SHC3: variants seen among roughly 807,000 people sequenced by gnomAD.
SHC3 encodes the protein SHC-transforming protein 3.
SHC3 carries 15 observed loss-of-function variants against 60.4 expected under a neutral mutation model. The observed-to-expected ratio is 0.25, with a 90% confidence interval of 0.17 to 0.38. The LOEUF is 0.38. Among genes scored for constraint, SHC3 ranks in the 10% least tolerant of loss-of-function variants. The pLI is 1.00. For missense variants in SHC3, 677 were observed against 786.1 expected (o/e 0.86, Z 1.66); for synonymous variants, 294 against 325.9 (o/e 0.90, Z 1.05).
At position 89,042,036 on chromosome 9, in the gene SHC3, G is replaced by C; in HGVS notation, c.1350C>G (p.Leu450=). 1.2e-6 allele frequency: 2 copies of C among 1,613,828 alleles called. No individual in the cohort carries two copies. Among genetic ancestry groups the C allele is most frequent in the Non-Finnish European group, 1.7e-6 (2 of 1,179,958 alleles). The part of the protein sequence containing the change: ...SSAESSPRKD[L]FDMKPFEDAL... ...CAAACAGAAACCCACTCATGTCAAA[G>C]AGGTCTTTCCTTGGGCTGCTCTCAG... The change falls in exon 10 of 12, where the codon CTC becomes CTG. Residue 450 remains leucine (L), a synonymous_variant. Transcript: ENST00000375835.
chr9:89,094,968 A>C (rs1040657220), intron 2 of SHC3, among the ~76,000 whole-genome samples: 1 of 152,028 alleles, frequency 6.6e-6, no homozygotes, highest in East Asian at 1.9e-4. Flanking sequence ...ACAAACAAAA[A>C]ACAGGAAACA....
At chr9:89,149,246 T>C (rs1826512169) in intron 1 of SHC3, among the ~76,000 whole-genome samples, 1 of 152,216 alleles carries the variant, frequency 6.6e-6, no homozygotes, top group African/African-American at 2.4e-5. Flanking sequence ...CATAGTGCAC[T>C]AGGGCTCCTT....
chr9:89,020,468 G>A (rs1826181494), intron 11 of SHC3, among the ~76,000 whole-genome samples: 1 of 152,150 alleles, frequency 6.6e-6, no homozygotes, highest in South Asian at 2.1e-4. Flanking sequence ...AGGTCCCCAG[G>A]TGGTTGGTGG....
chr9:89,141,996 C>G (rs1826400228), intron 1 of SHC3, among the ~76,000 whole-genome samples: 1 of 152,164 alleles, frequency 6.6e-6, no homozygotes. Flanking sequence ...CATCAGCTCT[C>G]ATGTTTCCCC....
In SHC3 at chr9:89,050,845, T is replaced by C. The variant is rs185818508; in HGVS notation, c.962+1192A>G. 3.3e-5 allele frequency among the ~76,000 whole-genome samples: 5 copies of C among 152,246 alleles called. No homozygotes were observed. In the East Asian group the frequency reaches 9.6e-4, roughly 29 times the overall value. ...CTACATTTGGGTTGCTGTCACTGTC[T>C]GCCTCTAACTCTTCTATACACATCC... On this transcript the variant is annotated intron_variant, in intron 7 of 11. Coordinates refer to ENST00000375835, the MANE Select transcript of SHC3 (RefSeq NM_016848.6).
intron 1 of SHC3, among the ~76,000 whole-genome samples, chr9:89,165,118 C>T (rs1173739648): frequency 6.6e-6 from 1 of 151,846 alleles, no homozygotes; most frequent in Non-Finnish European, 1.5e-5. Flanking sequence ...AAAAAAGAGA[C>T]AGAATTATAG....
At chr9:89,105,367 C>T (rs1825843178) in intron 2 of SHC3, among the ~76,000 whole-genome samples, 1 of 152,152 alleles carries the variant, frequency 6.6e-6, no homozygotes, top group African/African-American at 2.4e-5. Context: ...GATCCTGTAT[C>T]CTCATCCCCA....
At chr9:89,151,324 T>C (rs945247540) in intron 1 of SHC3, among the ~76,000 whole-genome samples, 18 of 152,220 alleles carry the variant, frequency 1.2e-4, no homozygotes, top group Non-Finnish European at 2.1e-4. Flanking sequence ...TGAGACCTGC[T>C]GCTGAATGTG....
At position 89,135,751 on chromosome 9, in the gene SHC3, A is replaced by G. The variant is rs145353818; in HGVS notation, c.475-23125T>C. Among the ~76,000 whole-genome samples, 954 of 152,304 alleles carry G rather than the reference A, an allele frequency of 6.3e-3. 9 individuals are homozygous for G. Among genetic ancestry groups the G allele is most frequent in the Non-Finnish European group, 9.2e-3 (623 of 68,008 alleles). On this transcript the variant is annotated intron_variant, in intron 1 of 11. Transcript: ENST00000375835. ...AATCAGTGATCTCTGGCTGCAGCTC[A>G]GAAGAATTGAGATGGATGAGTAATG... is the stretch of plus-strand genomic sequence containing the variant.
intron 1 of SHC3, among the ~76,000 whole-genome samples, chr9:89,173,136 G>C (rs1199529219): frequency 6.6e-6 from 1 of 152,262 alleles, no homozygotes; most frequent in Non-Finnish European, 1.5e-5. Flanking sequence ...CAGGTCCAGA[G>C]AGGTGAGCTG....
intron 2 of SHC3, among the ~76,000 whole-genome samples, chr9:89,103,513 A>G (rs1825812951): frequency 6.6e-6 from 1 of 152,228 alleles, no homozygotes. Flanking sequence ...CCAGGAGGCT[A>G]GGCTACTATA....
intron 11 of SHC3, 93 bp downstream of exon 11, chr9:89,037,900 T>G (rs1587688045): frequency 6.1e-6 from 9 of 1,467,202 alleles, no homozygotes. Context: ...TGGATAGAGG[T>G]GGGAATGTGG....
chr9:89,139,351 C>G (rs919028232), intron 1 of SHC3, among the ~76,000 whole-genome samples: 1 of 152,146 alleles, frequency 6.6e-6, no homozygotes, highest in African/African-American at 2.4e-5. Context: ...ACCATTGTTA[C>G]TAAGGACAAA....
intron 1 of SHC3, among the ~76,000 whole-genome samples, chr9:89,174,892 G>A (rs775061707): frequency 4.6e-5 from 7 of 152,182 alleles, no homozygotes; most frequent in African/African-American, 1.4e-4. Flanking sequence ...TTTCCCCACC[G>A]TGGATCTGAG....
At chr9:89,171,368 G>T (rs1457709719) in intron 1 of SHC3, among the ~76,000 whole-genome samples, 1 of 152,216 alleles carries the variant, frequency 6.6e-6, no homozygotes, top group Admixed American at 6.5e-5. Flanking sequence ...TTGATAAAAT[G>T]AAGTTTGTCA....
intron 2 of SHC3, among the ~76,000 whole-genome samples, chr9:89,082,747 G>A (rs1038137686): frequency 6.6e-6 from 1 of 152,128 alleles, no homozygotes; most frequent in African/African-American, 2.4e-5. Context: ...CGGACCCCAG[G>A]CAAACTTTAC....
rs12352169 is a variant in SHC3 at position 89,058,556 on chromosome 9, C to T, written c.836-6393G>A. The stretch of plus-strand genomic sequence containing the variant: ...GGAGGATTTACATGGTGGAGGTGTA[C>T]ATGGTGGAGGATGCTGGTGGAGGAT... On this transcript the variant is annotated intron_variant, in intron 6 of 11. Transcript: ENST00000375835. Among the ~76,000 whole-genome samples, 953 of 133,506 alleles carry T rather than the reference C, an allele frequency of 7.1e-3. 8 individuals are homozygous for T. The highest frequency in any genetic ancestry group is 0.026 in the African/African-American group (910 of 34,698). 87.6% of individuals were successfully genotyped at this position (133,506 alleles called of 152,430 possible).
intron 1 of SHC3, among the ~76,000 whole-genome samples, chr9:89,133,689 C>T (rs951737765): frequency 2.0e-5 from 3 of 152,038 alleles, no homozygotes; most frequent in African/African-American, 7.2e-5. Context: ...CATGTTCTCA[C>T]TCATAGGTGG....
intron 6 of SHC3, among the ~76,000 whole-genome samples, chr9:89,057,727 G>A (rs1824979404): frequency 1.3e-5 from 2 of 152,186 alleles, no homozygotes; most frequent in Admixed American, 1.3e-4. Context: ...GATCTAGGGA[G>A]AGTTTCAGTG....
Sources: gnomAD v4.1 joint callset for allele counts (sites outside exome capture counted in the v4.1 genomes callset) on GRCh38, gnomAD v4.1.1 for gene constraint, MANE v1.5 for transcripts, NCBI Gene and HGNC (gene_info 2026-07-23, HGNC 2026-07-21) for gene names.